PATJ: variants seen among roughly 807,000 people sequenced by gnomAD.
PATJ encodes the protein inaD-like protein.
Under a neutral mutation model 224.9 loss-of-function variants are expected in PATJ, and 190 were observed. The observed-to-expected ratio is 0.84, with a 90% confidence interval of 0.75 to 0.95. PATJ has a LOEUF of 0.95. PATJ is among the 40% of genes least tolerant of loss of function. PATJ has a pLI of 0.00. For missense variants in PATJ, 2,121 were observed against 2,270.3 expected, an observed-to-expected ratio of 0.93 and a Z score of 1.34; for synonymous variants, 769 against 820.3, an observed-to-expected ratio of 0.94 and a Z score of 1.07.
chr1:61,898,608 C>T (rs1670696945), intron 22 of PATJ, among the ~76,000 whole-genome samples: 1 of 152,136 alleles, frequency 6.6e-6, no homozygotes, highest in Admixed American at 6.5e-5. Flanking sequence ...CAATTTACAA[C>T]ATCGGACTGA....
chr1:61,981,362 T>C (rs1644438651), intron 27 of PATJ, among the ~76,000 whole-genome samples: 2 of 152,040 alleles, frequency 1.3e-5, no homozygotes, highest in East Asian at 1.9e-4. Context: ...GTCCCAGTCA[T>C]GGTTCTGTTT....
intron 27 of PATJ, among the ~76,000 whole-genome samples, chr1:61,979,855 C>G (rs1644356592): frequency 6.6e-6 from 1 of 151,938 alleles, no homozygotes; most frequent in Non-Finnish European, 1.5e-5. Flanking sequence ...CTAGGAGGAA[C>G]TTACTAACGT....
At chr1:62,133,774 T>G (rs901106376) in intron 41 of PATJ, among the ~76,000 whole-genome samples, 1 of 135,892 alleles carries the variant, frequency 7.4e-6, no homozygotes, top group African/African-American at 2.8e-5. Context: ...TGAGACAGAG[T>G]TGCGCTCTGA....
intron 29 of PATJ, among the ~76,000 whole-genome samples, chr1:62,031,636 A>G (rs1441515532): frequency 6.6e-6 from 1 of 152,166 alleles, no homozygotes; most frequent in Non-Finnish European, 1.5e-5. Flanking sequence ...AGAGAAGGAG[A>G]CATCTGTGGC....
At chr1:61,995,564 G>A (rs1037583406) in intron 28 of PATJ, among the ~76,000 whole-genome samples, 3 of 152,098 alleles carry the variant, frequency 2.0e-5, no homozygotes, top group East Asian at 1.9e-4. Context: ...TTGTTGCTGC[G>A]GGACTGCACC....
chr1:61,840,096 G>A (rs1481871112), intron 17 of PATJ, among the ~76,000 whole-genome samples: 1 of 151,978 alleles, frequency 6.6e-6, no homozygotes, highest in Admixed American at 6.6e-5. Context: ...AAATATTGCA[G>A]TGTTACTGAG....
At chr1:61,963,060 T>C (rs34896171) in intron 27 of PATJ, among the ~76,000 whole-genome samples, 23,594 of 152,226 alleles carry the variant, frequency 0.15, 2,336 homozygotes, top group Non-Finnish European at 0.22. Context: ...TACAGACATA[T>C]GCCCAGCTAA....
At chr1:61,939,122 C>CAAA (rs560139042) in intron 27 of PATJ, among the ~76,000 whole-genome samples, 37 of 57,470 alleles carry the variant, frequency 6.4e-4, no homozygotes, top group African/African-American at 2.2e-3. Context: ...GACTCCATCT[C>CAAA]AAAAAAAAAA....
intron 33 of PATJ, 23 bp downstream of exon 33, chr1:62,084,671 T>A: frequency 6.2e-7 from 1 of 1,611,202 alleles, no homozygotes; most frequent in Non-Finnish European, 8.5e-7. Context: ...AAATAAAATG[T>A]ATCCACTGTC....
At chr1:61,992,585 A>G (rs1412226116) in intron 28 of PATJ, among the ~76,000 whole-genome samples, 3 of 152,160 alleles carry the variant, frequency 2.0e-5, no homozygotes, top group East Asian at 3.9e-4. Flanking sequence ...TCCAAAGGCT[A>G]TAATTTGGAA....
intron 1 of PATJ, among the ~76,000 whole-genome samples, chr1:61,752,012 C>T (rs1416361159): frequency 6.6e-6 from 1 of 151,498 alleles, no homozygotes; most frequent in Non-Finnish European, 1.5e-5. Flanking sequence ...GTGGGTCATA[C>T]CTGTAATCCC....
chr1:62,035,037 A>G (rs913263872), intron 29 of PATJ, among the ~76,000 whole-genome samples: 1 of 152,168 alleles, frequency 6.6e-6, no homozygotes, highest in Non-Finnish European at 1.5e-5. Flanking sequence ...TTTCGGCCCT[A>G]AGCTGAGCTT....
At chr1:61,980,492 A>C in intron 27 of PATJ, among the ~76,000 whole-genome samples, 1 of 150,514 alleles carries the variant, frequency 6.6e-6, no homozygotes, top group East Asian at 1.9e-4. Context: ...ATGCATTTTC[A>C]TATAGTAAAC....
At chr1:61,767,600 G>C (rs549866890) in intron 4 of PATJ, among the ~76,000 whole-genome samples, 1 of 151,926 alleles carries the variant, frequency 6.6e-6, no homozygotes, top group African/African-American at 2.4e-5. Flanking sequence ...ATCTGTTTAA[G>C]GTGTGATAAT....
At chr1:62,124,192 C>G (rs1190546924) in intron 39 of PATJ, among the ~76,000 whole-genome samples, 1 of 152,098 alleles carries the variant, frequency 6.6e-6, no homozygotes, top group Admixed American at 6.5e-5. Context: ...AAGTAATTCT[C>G]GTGCCTCAGC....
At chr1:61,983,103 C>T (rs575036536) in intron 27 of PATJ, among the ~76,000 whole-genome samples, 59 of 151,908 alleles carry the variant, frequency 3.9e-4, no homozygotes, top group South Asian at 3.1e-3. Context: ...TTTCTTAGTT[C>T]CTTTTGCCTG....
At chr1:61,820,722 TTTA>T (rs1657087403) in intron 14 of PATJ, among the ~76,000 whole-genome samples, 3 of 152,192 alleles carry the variant, frequency 2.0e-5, no homozygotes, top group Non-Finnish European at 4.4e-5. Context: ...TCAGTGAAAA[TTTA>T]GCAGTCTGCT....
intron 33 of PATJ, among the ~76,000 whole-genome samples, chr1:62,105,426 G>A (rs1288667661): frequency 4.6e-5 from 7 of 152,134 alleles, no homozygotes; most frequent in Non-Finnish European, 1.0e-4. Flanking sequence ...TTGAAAACCA[G>A]TATCATTACA....
chr1:61,902,694 T>C lies in PATJ; in HGVS notation c.3381+1235T>C, dbSNP rs556204290. Among the ~76,000 whole-genome samples the C allele has an allele frequency of 9.9e-5, 15 of 152,250 alleles. No individual in the cohort carries two copies. The South Asian group carries it at 2.9e-3, about 29-fold the overall frequency. ...AAATGACCAACAGTCCCTTCCCTTATGGTGTTTACATGATAGTGGGAATGG... is the reference window on the plus strand; with the variant it reads ...AAATGACCAACAGTCCCTTCCCTTACGGTGTTTACATGATAGTGGGAATGG... On this transcript the variant is annotated intron_variant, in intron 24 of 43. Coordinates refer to ENST00000642238, the MANE Select transcript of PATJ (RefSeq NM_001350145.3).
Sources: gnomAD v4.1 joint callset for allele counts (sites outside exome capture counted in the v4.1 genomes callset) on GRCh38, gnomAD v4.1.1 for gene constraint, MANE v1.5 for transcripts, NCBI Gene and HGNC (gene_info 2026-07-23, HGNC 2026-07-21) for gene names.